Variants in PLCXD2 observed in about 807,000 individuals in gnomAD.
PLCXD2 encodes the protein PI-PLC X domain-containing protein 2.
PLCXD2 carries 21 observed loss-of-function variants against 28.6 expected under a neutral mutation model. The ratio of observed to expected loss-of-function variants is 0.73; its 90% CI spans 0.52 to 1.06. The LOEUF is 1.06. Ranked by LOEUF, PLCXD2 falls within the 50% of genes least tolerant of loss-of-function variation. The pLI is 0.00. For synonymous variants in PLCXD2, 140 were observed against 150.1 expected, an observed-to-expected ratio of 0.93 and a Z score of 0.49; for missense variants, 369 against 376.7, an observed-to-expected ratio of 0.98 and a Z score of 0.17.
chr3:111,700,073 A>C (rs1240830507), intron 1 of PLCXD2, among the ~76,000 whole-genome samples: 1 of 152,158 alleles, frequency 6.6e-6, no homozygotes, highest in African/African-American at 2.4e-5. Context: ...AATCAGCAAG[A>C]AGCTTGTCAG....
chr3:111,695,479 C>T (rs1407897240), intron 1 of PLCXD2, among the ~76,000 whole-genome samples: 2 of 152,192 alleles, frequency 1.3e-5, no homozygotes, highest in Non-Finnish European at 2.9e-5. Flanking sequence ...TCACTGCTGT[C>T]GCACTTTGGG....
intron 1 of PLCXD2, among the ~76,000 whole-genome samples, chr3:111,682,681 G>A (rs1419814729): frequency 6.6e-6 from 1 of 152,162 alleles, no homozygotes; most frequent in Non-Finnish European, 1.5e-5. Context: ...TATATTAAAA[G>A]CATTATTTTT....
chr3:111,700,288 G>A (rs572307332), intron 1 of PLCXD2, among the ~76,000 whole-genome samples: 196 of 152,278 alleles, frequency 1.3e-3, no homozygotes, highest in African/African-American at 4.3e-3. Context: ...AAGAAACACC[G>A]TTAATGACTG....
intron 3 of PLCXD2, among the ~76,000 whole-genome samples, chr3:111,714,765 T>G (rs1156646294): frequency 6.6e-6 from 1 of 152,176 alleles, no homozygotes; most frequent in African/African-American, 2.4e-5. Context: ...TATGCGTGTT[T>G]GTGTGTGTGC....
At chr3:111,678,136 G>A (rs1168862707) in intron 1 of PLCXD2, among the ~76,000 whole-genome samples, 1 of 152,196 alleles carries the variant, frequency 6.6e-6, no homozygotes, top group Non-Finnish European at 1.5e-5. Flanking sequence ...CCACGTTTGA[G>A]TGCACCTGCT....
At chr3:111,696,779 AAT>A (rs1466468040) in intron 1 of PLCXD2, among the ~76,000 whole-genome samples, 3 of 152,238 alleles carry the variant, frequency 2.0e-5, no homozygotes, top group Admixed American at 6.5e-5. Context: ...TGATAGAAAT[AAT>A]ATGATTTAGG....
At chr3:111,712,380 C>T (rs1941210840) in intron 2 of PLCXD2, among the ~76,000 whole-genome samples, 1 of 152,164 alleles carries the variant, frequency 6.6e-6, no homozygotes, top group Non-Finnish European at 1.5e-5. Flanking sequence ...CGGTCCACTG[C>T]ACAGGACGGC....
chr3:111,681,202 G>A (rs1156922097), intron 1 of PLCXD2, among the ~76,000 whole-genome samples: 1 of 152,184 alleles, frequency 6.6e-6, no homozygotes, highest in East Asian at 1.9e-4. Context: ...GGATGTGAGT[G>A]CCAAGGGTGT....
intron 1 of PLCXD2, among the ~76,000 whole-genome samples, chr3:111,700,973 C>T (rs571147633): frequency 1.2e-4 from 18 of 152,082 alleles, no homozygotes; most frequent in Middle Eastern, 3.4e-3. Context: ...AGACTGTGAC[C>T]AAAACAGTGG....
At chr3:111,703,122 A>G (rs563828503) in intron 1 of PLCXD2, among the ~76,000 whole-genome samples, 17 of 152,312 alleles carry the variant, frequency 1.1e-4, no homozygotes, top group Admixed American at 6.5e-4. Flanking sequence ...GTTGGCTTTG[A>G]CTGCTATAGG....
chr3:111,688,727 A>G (rs1221811251), intron 1 of PLCXD2, among the ~76,000 whole-genome samples: 1 of 152,198 alleles, frequency 6.6e-6, no homozygotes, highest in African/African-American at 2.4e-5. Context: ...GGCGAAGACC[A>G]TACCTCCTTT....
At chr3:111,690,100 GC>G (rs1275346257) in intron 1 of PLCXD2, among the ~76,000 whole-genome samples, 1 of 151,148 alleles carries the variant, frequency 6.6e-6, no homozygotes, top group African/African-American at 2.4e-5. Flanking sequence ...TAAGCAGATG[GC>G]CCCCCAAAAT....
chr3:111,693,876 CA>C (rs374599192), intron 1 of PLCXD2, among the ~76,000 whole-genome samples: 18 of 152,304 alleles, frequency 1.2e-4, no homozygotes, highest in African/African-American at 4.3e-4. Flanking sequence ...GACTGTGATC[CA>C]GGCACCAGGT....
intron 1 of PLCXD2, among the ~76,000 whole-genome samples, chr3:111,701,986 A>AG (rs1305478656): frequency 1.3e-5 from 2 of 152,160 alleles, no homozygotes; most frequent in Non-Finnish European, 1.5e-5. Context: ...GGCAGGCCAT[A>AG]GCAGGAAGGT....
chr3:111,680,457 TG>T (rs555280801), intron 1 of PLCXD2, among the ~76,000 whole-genome samples: 205 of 148,238 alleles, frequency 1.4e-3, no homozygotes, highest in African/African-American at 5.0e-3. Flanking sequence ...GACTCAATCA[TG>T]AAAAAAAAAA....
At chr3:111,705,994 T>C (rs1448018179) in intron 1 of PLCXD2, among the ~76,000 whole-genome samples, 1 of 152,186 alleles carries the variant, frequency 6.6e-6, no homozygotes, top group Admixed American at 6.5e-5. Flanking sequence ...TAGCTGGGAC[T>C]GCAGGTGTGC....
intron 3 of PLCXD2, among the ~76,000 whole-genome samples, chr3:111,715,001 T>C (rs779027151): frequency 2.0e-5 from 3 of 152,194 alleles, no homozygotes; most frequent in African/African-American, 7.2e-5. Flanking sequence ...TAATGAAAGA[T>C]TCATCCAAAA....
In PLCXD2 at chr3:111,725,965, T is replaced by C. The variant is rs892079991; in HGVS notation, c.867-6654T>C. On this transcript the variant is annotated intron_variant, in intron 3 of 4. Coordinates refer to ENST00000477665, the MANE Select transcript of PLCXD2 (RefSeq NM_001185106.1). The stretch of plus-strand genomic sequence containing the variant: ...AGTGATAGGCACGTGTGTTCAGTGA[T>C]GTCCAATACACTCTTATCACAGTGG... The C allele has an allele frequency of 2.8e-5, 11 of 398,104 alleles. No homozygotes were observed. In the East Asian group the frequency reaches 3.9e-4, roughly 14 times the overall value. The allele number at this position is 398,104 out of a possible 1,614,324, so 24.7% of individuals were successfully genotyped here. A position where few individuals can be genotyped will look rare whatever the true frequency, so the allele number is the denominator to read the frequency against.
At chr3:111,703,926 T>A (rs1941081674) in intron 1 of PLCXD2, among the ~76,000 whole-genome samples, 1 of 152,246 alleles carries the variant, frequency 6.6e-6, no homozygotes, top group African/African-American at 2.4e-5. Context: ...AGGTCTTTTC[T>A]TAATACTTAC....
Sources: allele counts gnomAD v4.1 joint callset (sites outside exome capture counted in the v4.1 genomes callset), GRCh38; gene constraint gnomAD v4.1.1; transcripts MANE v1.5; gene names NCBI Gene and HGNC (gene_info 2026-07-23, HGNC 2026-07-21).